The following RAD54L variants were observed in gnomAD, a reference collection of about 807,000 sequenced individuals.
RAD54L encodes DNA repair and recombination protein RAD54-like.
Under a neutral mutation model 91.6 loss-of-function variants are expected in RAD54L, and 74 were observed. That is an observed-to-expected ratio of 0.81 (90% CI 0.67 to 0.98). The LOEUF (loss-of-function observed/expected upper bound fraction) is 0.98. Ranked by LOEUF, RAD54L falls within the 50% of genes least tolerant of loss-of-function variation. RAD54L has a pLI of 0.00. For synonymous variants in RAD54L, 304 were observed against 349.7 expected (o/e 0.87, Z 1.46); for missense variants, 887 against 945.7 (o/e 0.94, Z 0.81).
At chr1:46,273,222 G>A in intron 12 of RAD54L, 133 bp from the exon 13 acceptor site, 1 of 817,386 alleles carries the variant, frequency 1.2e-6, no homozygotes, top group Non-Finnish European at 2.2e-6. Flanking sequence ...TTGGAATTTG[G>A]TAGGATGAAG....
In RAD54L at chr1:46,263,848, A is replaced by G. The variant is rs1246233516; in HGVS notation, c.891+2463A>G. On this transcript the variant is annotated intron_variant, in intron 8 of 17. Transcript: ENST00000371975. The surrounding 1 kb of genome is among the most constrained non-coding windows in gnomAD (Gnocchi z 4.3). ...GGGTCTTGTTCTGTTGTCCAGATGGAGTGCAGTGACGTGATCTTGGCTCAC... is the reference window on the plus strand; with the variant it reads ...GGGTCTTGTTCTGTTGTCCAGATGGGGTGCAGTGACGTGATCTTGGCTCAC... Among the ~76,000 whole-genome samples the G allele has an allele frequency of 6.6e-6, 1 of 151,938 alleles. No individual in the cohort carries two copies. The highest frequency in any genetic ancestry group is 1.5e-5 in the Non-Finnish European group (1 of 67,972).
Position 46,277,881 on chromosome 1 carries a change from T to G in RAD54L, c.1934T>G (p.Val645Gly), listed in dbSNP as rs1660661872. ...CACAAGAAGGCACTGAGCAGCTGTG[T>G]GGTGGATGAGGAGCAGGATGTAGAG... The part of the protein sequence containing the change: ...QSHKKALSSC[V>G]VDEEQDVERH... The change falls in exon 17 of 18, where the codon GTG becomes GGG. Residue 645 changes from valine to glycine, a missense_variant. By Grantham distance (109) the Val-to-Gly change is moderately radical. Transcript: ENST00000371975. The G allele has an allele frequency of 1.4e-5, 22 of 1,613,918 alleles. No homozygotes were observed. Among genetic ancestry groups the G allele is most frequent in the Non-Finnish European group, 1.8e-5 (21 of 1,179,898 alleles).
chr1:46,263,848 A>C lies in RAD54L; in HGVS notation c.891+2463A>C, dbSNP rs1246233516. Among the ~76,000 whole-genome samples, 1 of 151,938 alleles carries C rather than the reference A, an allele frequency of 6.6e-6. No individual in the cohort carries two copies. The highest frequency in any genetic ancestry group is 1.5e-5 in the Non-Finnish European group (1 of 67,972). ...GGGTCTTGTTCTGTTGTCCAGATGG[A>C]GTGCAGTGACGTGATCTTGGCTCAC... On this transcript the variant is annotated intron_variant, in intron 8 of 17. Coordinates refer to ENST00000371975, the MANE Select transcript of RAD54L (RefSeq NM_003579.4). This position sits in a 1 kb window ranked among gnomAD's most constrained non-coding sequence, Gnocchi z 4.3.
intron 16 of RAD54L, 121 bp from the exon 17 acceptor site, chr1:46,277,696 C>G: frequency 8.5e-7 from 1 of 1,179,182 alleles, no homozygotes; most frequent in Non-Finnish European, 1.2e-6. Flanking sequence ...GGGACTCATA[C>G]TTTTTATTCA....
intron 9 of RAD54L, among the ~76,000 whole-genome samples, chr1:46,270,152 G>A (rs1454385728): frequency 1.3e-5 from 2 of 151,930 alleles, no homozygotes; most frequent in Non-Finnish European, 1.5e-5. Flanking sequence ...GGCAGATCGC[G>A]AGATCAGGAG....
chr1:46,276,896 G>T (rs1569623560), intron 16 of RAD54L, among the ~76,000 whole-genome samples: 1 of 152,144 alleles, frequency 6.6e-6, no homozygotes, highest in Admixed American at 6.5e-5. Flanking sequence ...TGCTTCCCGG[G>T]TTCAAGCGAT....
intron 16 of RAD54L, 158 bp from the exon 17 acceptor site, chr1:46,277,659 A>G: frequency 1.2e-6 from 1 of 812,360 alleles, no homozygotes. Flanking sequence ...GGGAAAATGG[A>G]CCTCAGCTGA....
Position 46,273,680 on chromosome 1 carries a change from AAAG to A in RAD54L, c.1544_1546del (p.Lys515_Val516delinsIle). ...GGTGACCCGAAGCCGTAGCAGTGAC[AAAG>A]TAGTGCTGGTGTCGAATTACACCCA... On this transcript the variant is annotated inframe_deletion, in exon 14 of 18. Transcript: ENST00000371975. 1 of 1,614,014 alleles carries A rather than the reference AAAG, an allele frequency of 6.2e-7. No individual in the cohort carries two copies. The highest frequency in any genetic ancestry group is 8.5e-7 in the Non-Finnish European group (1 of 1,179,998).
chr1:46,264,378 G>T (rs1240049295), intron 8 of RAD54L, among the ~76,000 whole-genome samples: 1 of 152,210 alleles, frequency 6.6e-6, no homozygotes, highest in East Asian at 1.9e-4. Flanking sequence ...AGCTCCCACA[G>T]CATCTTCCTC....
intron 8 of RAD54L, among the ~76,000 whole-genome samples, chr1:46,262,424 A>C (rs768722173): frequency 6.6e-6 from 1 of 151,994 alleles, no homozygotes; most frequent in Admixed American, 6.6e-5. Context: ...CAAAATAAAA[A>C]CCAAAAAACA....
intron 3 of RAD54L, among the ~76,000 whole-genome samples, chr1:46,251,183 A>G (rs1243464003): frequency 6.7e-6 from 1 of 149,802 alleles, no homozygotes; most frequent in Non-Finnish European, 1.5e-5. Context: ...ATGGTGGTGC[A>G]TGCCTGTAAT....
chr1:46,264,901 A>G (rs1660225333), intron 8 of RAD54L, among the ~76,000 whole-genome samples: 1 of 152,172 alleles, frequency 6.6e-6, no homozygotes, highest in Admixed American at 6.5e-5. Flanking sequence ...CTGGTCCAAT[A>G]GGGAGCTGGG....
intron 8 of RAD54L, among the ~76,000 whole-genome samples, chr1:46,264,103 A>C (rs531836766): frequency 4.0e-5 from 6 of 150,788 alleles, no homozygotes; most frequent in Non-Finnish European, 8.9e-5. Context: ...GCCTTTTTCT[A>C]CTCCTTAGTG....
intron 16 of RAD54L, chr1:46,277,588 T>G: frequency 5.3e-6 from 3 of 570,570 alleles, no homozygotes; most frequent in East Asian, 3.1e-5. Context: ...GGACCCTTCA[T>G]TAGTATAGAA....
chr1:46,273,169 A>G (rs1660485334), intron 12 of RAD54L, among the ~76,000 whole-genome samples, 186 bp from the exon 13 acceptor site: 1 of 152,160 alleles, frequency 6.6e-6, no homozygotes, highest in South Asian at 2.1e-4. Flanking sequence ...TTAGTGAGTG[A>G]GATTGTCCAT....
In RAD54L at chr1:46,265,497, C is replaced by T. The variant is rs183768506; in HGVS notation, c.892-1962C>T. On this transcript the variant is annotated intron_variant, in intron 8 of 17. Transcript: ENST00000371975. The surrounding 1 kb of genome is among the most constrained non-coding windows in gnomAD (Gnocchi z 4.8). The stretch of plus-strand genomic sequence containing the variant: ...CCATGTTGGCCAGGCTGGACGCAAA[C>T]TCCTGACCTCAGGTGATCCACTTGC... Among the ~76,000 whole-genome samples the T allele has an allele frequency of 2.6e-5, 4 of 152,296 alleles. No homozygotes were observed. The East Asian group carries it at 5.8e-4, about 22-fold the overall frequency.
At chr1:46,264,016 C>T (rs1360985768) in intron 8 of RAD54L, among the ~76,000 whole-genome samples, 10 of 152,134 alleles carry the variant, frequency 6.6e-5, no homozygotes, top group Admixed American at 3.3e-4. Flanking sequence ...AGGCTAGTCT[C>T]GAACTCCTGG....
chr1:46,275,110 A>G (rs896391737), intron 16 of RAD54L, among the ~76,000 whole-genome samples: 6 of 151,798 alleles, frequency 4.0e-5, no homozygotes, highest in Non-Finnish European at 7.4e-5. Context: ...ACTTGACTAC[A>G]CTCTTTTCTT....
intron 7 of RAD54L, 72 bp from the exon 8 acceptor site, chr1:46,261,189 C>CT: frequency 6.3e-7 from 1 of 1,583,134 alleles, no homozygotes; most frequent in South Asian, 1.1e-5. Context: ...AAAGAACTGT[C>CT]TAATTGTTTT....
Sources: gnomAD v4.1 joint callset for allele counts (sites outside exome capture counted in the v4.1 genomes callset) on GRCh38, gnomAD v4.1.1 for gene constraint, Gnocchi (gnomAD v3.1) non-coding constraint, MANE v1.5 for transcripts, NCBI Gene and HGNC (gene_info 2026-07-23, HGNC 2026-07-21) for gene names.